The following SULT6B1 variants were observed in gnomAD, a reference collection of about 807,000 sequenced individuals.
The protein encoded by SULT6B1 is sulfotransferase 6B1.
Under a neutral mutation model 37.2 loss-of-function variants are expected in SULT6B1, and 44 were observed. That is an observed-to-expected ratio of 1.18 (90% CI 0.93 to 1.52). The LOEUF (loss-of-function observed/expected upper bound fraction) is 1.52, where lower values mean the gene tolerates loss of function less well. Among genes scored for constraint, SULT6B1 ranks in the 40% most tolerant of loss-of-function variants. The probability of loss-of-function intolerance (pLI) is 0.00; values close to 1 mark genes in which losing one functional copy is unlikely to be tolerated. For synonymous variants in SULT6B1, 140 were observed against 126.0 expected (o/e 1.11, Z -0.74); for missense variants, 450 against 361.0 (o/e 1.25, Z -2.00).
chr2:37,173,108 C>A (rs1032456892), intron 5 of SULT6B1, among the ~76,000 whole-genome samples: 3 of 152,042 alleles, frequency 2.0e-5, no homozygotes, highest in Admixed American at 1.3e-4. Context: ...CTGCCTCGGC[C>A]TCTCAAAGTG....
intron 6 of SULT6B1, 120 bp from the exon 7 acceptor site, chr2:37,168,185 T>A: frequency 9.9e-7 from 1 of 1,013,956 alleles, no homozygotes; most frequent in Non-Finnish European, 1.4e-6. Context: ...AAAAAAGCTT[T>A]ACACTCTTTA....
intron 2 of SULT6B1, among the ~76,000 whole-genome samples, chr2:37,185,729 A>C (rs1241223518): frequency 6.6e-6 from 1 of 151,864 alleles, no homozygotes; most frequent in Non-Finnish European, 1.5e-5. Flanking sequence ...AAAAAAAAAA[A>C]AAAAAAAACA....
intron 3 of SULT6B1, among the ~76,000 whole-genome samples, chr2:37,182,235 G>C (rs1676568135): frequency 6.8e-6 from 1 of 147,862 alleles, no homozygotes; most frequent in East Asian, 2.0e-4. Context: ...CTTCTTGCTA[G>C]CATTCGGCAG....
At chr2:37,188,818 A>G (rs980388108), upstream of SULT6B1, among the ~76,000 whole-genome samples, 2 of 152,346 alleles carry the variant, frequency 1.3e-5, no homozygotes, top group Admixed American at 1.3e-4. Flanking sequence ...GCTAAACCAC[A>G]GGTGCAAAAC....
intron 1 of SULT6B1, among the ~76,000 whole-genome samples, chr2:37,195,645 G>A (rs937985508): frequency 6.6e-6 from 1 of 152,180 alleles, no homozygotes; most frequent in Non-Finnish European, 1.5e-5. Context: ...TTCGATGAAG[G>A]TAGATCTGTG....
At chr2:37,194,518 G>T in intron 1 of SULT6B1, 1 of 380,030 alleles carries the variant, frequency 2.6e-6, no homozygotes, top group South Asian at 2.2e-5. Context: ...TTATTCCTTT[G>T]GCAAAGACAA....
rs1287466550 is a variant in SULT6B1 at position 37,171,662 on chromosome 2, A to G, written c.625-72T>C. The G allele has an allele frequency of 2.7e-6, 4 of 1,459,396 alleles. No individual in the cohort carries two copies. The South Asian group carries it at 3.8e-5, about 14-fold the overall frequency. 90.4% of individuals were successfully genotyped at this position (1,459,396 alleles called of 1,614,324 possible). A position where few individuals can be genotyped will look rare whatever the true frequency, so the allele number is the denominator to read the frequency against. ...TTCTCTGAGCTGAGACAGACTTTTT[A>G]GTCATCAGAGTTATTCAGCCTAACT... On this transcript the variant is annotated intron_variant, in intron 5 of 6. Transcript: ENST00000535679.
upstream of SULT6B1, among the ~76,000 whole-genome samples, chr2:37,189,482 C>A (rs1387035112): frequency 1.3e-5 from 2 of 152,210 alleles, no homozygotes; most frequent in Non-Finnish European, 2.9e-5. Flanking sequence ...AAATGTTTAA[C>A]CTTGATGCTA....
chr2:37,170,991 C>A (rs567470888), intron 6 of SULT6B1, among the ~76,000 whole-genome samples: 3 of 152,314 alleles, frequency 2.0e-5, no homozygotes, highest in African/African-American at 7.2e-5. Context: ...GTAATCCCAG[C>A]ACTTCGGGAG....
rs779449555 is a variant in SULT6B1, at chr2:37,179,627, T to C, written c.403-43A>G. On this transcript the variant is annotated intron_variant, in intron 3 of 6. Transcript: ENST00000535679. ...AGTTAATTTATTTGGGTCTATGTTT[T>C]GAAATTTGGAAAATTAAAAGGGTGA... 13 of 1,582,834 alleles carry C rather than the reference T, an allele frequency of 8.2e-6. No homozygotes were observed. The East Asian group carries it at 2.7e-4, about 33-fold the overall frequency.
At chr2:37,182,220 C>A (rs1197010643) in intron 3 of SULT6B1, among the ~76,000 whole-genome samples, 1 of 151,742 alleles carries the variant, frequency 6.6e-6, no homozygotes, top group Non-Finnish European at 1.5e-5. Context: ...CACTATTCTC[C>A]CATTCTTCTT....
chr2:37,179,344 T>C (rs1676499879), intron 4 of SULT6B1, 114 bp downstream of exon 4: 5 of 1,339,358 alleles, frequency 3.7e-6, no homozygotes, highest in Non-Finnish European at 5.2e-6. Context: ...AATGAAACTT[T>C]TTGGTTCCCA....
chr2:37,170,825 C>A (rs984368199), intron 6 of SULT6B1, among the ~76,000 whole-genome samples: 1 of 151,882 alleles, frequency 6.6e-6, no homozygotes, highest in African/African-American at 2.4e-5. Flanking sequence ...CGATTCTGCC[C>A]CTTGCCCACT....
At chr2:37,175,651 A>G (rs997622950) in intron 4 of SULT6B1, among the ~76,000 whole-genome samples, 5 of 152,246 alleles carry the variant, frequency 3.3e-5, no homozygotes, top group African/African-American at 1.2e-4. Context: ...ATTTTAAAAA[A>G]CAAAAGAAAC....
intron 5 of SULT6B1, among the ~76,000 whole-genome samples, chr2:37,172,271 G>C (rs1045611620): frequency 1.3e-5 from 2 of 151,830 alleles, no homozygotes; most frequent in African/African-American, 4.8e-5. Context: ...GCTGCTCTCA[G>C]AGTCTTTAAT....
chr2:37,183,557 CATGT>C, intron 2 of SULT6B1, 43 bp from the exon 3 acceptor site: 2 of 1,460,926 alleles, frequency 1.4e-6, no homozygotes, highest in East Asian at 2.3e-5. Context: ...CACGTGTGTG[CATGT>C]GTGTGTGTGT....
At chr2:37,185,086 C>A (rs1676642785) in intron 2 of SULT6B1, among the ~76,000 whole-genome samples, 1 of 152,078 alleles carries the variant, frequency 6.6e-6, no homozygotes, top group South Asian at 2.1e-4. Context: ...GTTTTAAGCA[C>A]TTTGTGCAAA....
chr2:37,182,703 TA>T (rs1228901759), intron 3 of SULT6B1, among the ~76,000 whole-genome samples: 1 of 151,784 alleles, frequency 6.6e-6, no homozygotes, highest in African/African-American at 2.4e-5. Flanking sequence ...CACCAAGAAA[TA>T]AGGAACAGAG....
upstream of SULT6B1, among the ~76,000 whole-genome samples, chr2:37,193,652 GAGA>G (rs1397323136): frequency 2.1e-5 from 1 of 46,754 alleles, no homozygotes; most frequent in Non-Finnish European, 5.4e-5. Context: ...GAAGAAGAAG[GAGA>G]AGAAGGAGAA....
Sources: gnomAD v4.1 joint callset for allele counts (sites outside exome capture counted in the v4.1 genomes callset) on GRCh38, gnomAD v4.1.1 for gene constraint, MANE v1.5 for transcripts, NCBI Gene and HGNC (gene_info 2026-07-23, HGNC 2026-07-21) for gene names.